The following PCDH7 variants were observed in gnomAD, a reference collection of about 807,000 sequenced individuals.
PCDH7 encodes protocadherin-7.
In PCDH7, 17 loss-of-function variants were observed where a neutral mutation model predicts 58.9. The ratio of observed to expected loss-of-function variants is 0.29; its 90% confidence interval spans 0.20 to 0.43. PCDH7 has a LOEUF of 0.43. Ranked by LOEUF, PCDH7 falls within the 20% of genes least tolerant of loss-of-function variation. The pLI is 1.00. For missense variants in PCDH7, 1,274 were observed against 1,441.0 expected (o/e 0.88, Z 1.88); for synonymous variants, 664 against 616.4 (o/e 1.08, Z -1.14).
At chr4:30,991,415 G>C (rs886414656) in intron 3 of PCDH7, among the ~76,000 whole-genome samples, 9 of 152,198 alleles carry the variant, frequency 5.9e-5, no homozygotes, top group African/African-American at 1.9e-4. Flanking sequence ...GGCTAGACAA[G>C]AAGAAAAGAG....
chr4:31,050,733 C>A (rs958567454), intron 3 of PCDH7, among the ~76,000 whole-genome samples: 1 of 152,168 alleles, frequency 6.6e-6, no homozygotes, highest in Non-Finnish European at 1.5e-5. Flanking sequence ...TCTACTTCTA[C>A]ACTCACTGGA....
At chr4:31,042,149 T>C (rs998089751) in intron 3 of PCDH7, among the ~76,000 whole-genome samples, 1 of 152,130 alleles carries the variant, frequency 6.6e-6, no homozygotes, top group Admixed American at 6.6e-5. Context: ...TTCATATCAT[T>C]TGAATGAGCA....
At position 31,064,117 on chromosome 4, in the gene PCDH7, G is replaced by A. The variant is rs181935675; in HGVS notation, c.*8-78356G>A. ...GAGCCACATAATAAGTATCAGCACT[G>A]TTTTCAAAACAGAAAGCTAGAATGC... On this transcript the variant is annotated intron_variant, in intron 3 of 3. Coordinates refer to the PCDH7 transcript ENST00000509759. 1.8e-3 allele frequency among the ~76,000 whole-genome samples: 268 copies of A among 152,040 alleles called. 1 individual carries two copies. The highest frequency in any genetic ancestry group is 6.8e-3 in the Middle Eastern group (2 of 294).
chr4:31,058,453 A>T lies in PCDH7; in HGVS notation c.*8-84020A>T, dbSNP rs115597777. On this transcript the variant is annotated intron_variant, in intron 3 of 3. Transcript: ENST00000509759. ...AGCAAAATTTACCCCAAAATTTATA[A>T]ATTTAACAGACAAAGAGTATGATCC... 4.8e-3 allele frequency among the ~76,000 whole-genome samples: 733 copies of T among 152,166 alleles called. 5 individuals carry two copies. The highest frequency in any genetic ancestry group is 0.015 in the African/African-American group (642 of 41,560).
At chr4:30,981,134 G>T (rs533685718) in intron 3 of PCDH7, among the ~76,000 whole-genome samples, 3 of 152,170 alleles carry the variant, frequency 2.0e-5, no homozygotes, top group African/African-American at 4.8e-5. Flanking sequence ...GAGGCACTGC[G>T]CCTGGCCTAT....
chr4:31,012,912 A>G (rs1173920226), intron 3 of PCDH7, among the ~76,000 whole-genome samples: 1 of 150,554 alleles, frequency 6.6e-6, no homozygotes, highest in Non-Finnish European at 1.5e-5. Context: ...CTAGAGACTG[A>G]GGCAGGAGAA....
At chr4:30,870,550 A>C (rs1735451321) in intron 1 of PCDH7, among the ~76,000 whole-genome samples, 1 of 152,184 alleles carries the variant, frequency 6.6e-6, no homozygotes, top group Non-Finnish European at 1.5e-5. Flanking sequence ...TATTCAAGAC[A>C]GGTAAATGTT....
intron 1 of PCDH7, among the ~76,000 whole-genome samples, chr4:30,763,296 C>A (rs963777997): frequency 5.3e-5 from 8 of 152,310 alleles, no homozygotes; most frequent in South Asian, 2.1e-4. Flanking sequence ...TTTTCTAATT[C>A]TGACTGTATA....
At chr4:31,119,153 A>G (rs1003947349) in intron 3 of PCDH7, among the ~76,000 whole-genome samples, 7 of 152,166 alleles carry the variant, frequency 4.6e-5, no homozygotes, top group African/African-American at 1.7e-4. Flanking sequence ...ATGATGGGAA[A>G]TGATTGATCA....
chr4:31,074,699 G>A (rs1578724416), intron 3 of PCDH7, among the ~76,000 whole-genome samples: 2 of 143,412 alleles, frequency 1.4e-5, no homozygotes, highest in South Asian at 4.4e-4. Context: ...CAGTAGAATT[G>A]CTTGAACCTG....
intron 1 of PCDH7, among the ~76,000 whole-genome samples, chr4:30,835,622 G>A (rs1353290725): frequency 1.3e-5 from 2 of 152,070 alleles, no homozygotes; most frequent in African/African-American, 2.4e-5. Flanking sequence ...GGAAGAGAGG[G>A]CATAGTAGGA....
intron 1 of PCDH7, among the ~76,000 whole-genome samples, chr4:30,770,542 C>T (rs1721267710): frequency 6.6e-6 from 1 of 152,140 alleles, no homozygotes; most frequent in Non-Finnish European, 1.5e-5. Flanking sequence ...ATAGCTTGTA[C>T]ATTTCTGCCT....
intron 3 of PCDH7, among the ~76,000 whole-genome samples, chr4:31,087,317 G>A (rs1712576782): frequency 1.3e-5 from 2 of 152,062 alleles, no homozygotes; most frequent in Non-Finnish European, 1.5e-5. Context: ...GTTTTATAAA[G>A]ATAATAGAAT....
chr4:31,084,045 A>G (rs1442247259), intron 3 of PCDH7, among the ~76,000 whole-genome samples: 1 of 152,202 alleles, frequency 6.6e-6, no homozygotes, highest in Non-Finnish European at 1.5e-5. Flanking sequence ...TGTTTATTAT[A>G]TTCAAAGAAT....
chr4:30,976,390 C>T (rs959068112), intron 3 of PCDH7, among the ~76,000 whole-genome samples: 1 of 142,016 alleles, frequency 7.0e-6, no homozygotes, highest in Non-Finnish European at 1.5e-5. Context: ...CACGCCGGGC[C>T]ATAAAATACT....
chr4:31,031,587 T>A (rs1754921094), intron 3 of PCDH7, among the ~76,000 whole-genome samples: 1 of 152,250 alleles, frequency 6.6e-6, no homozygotes, highest in Non-Finnish European at 1.5e-5. Context: ...TGTATTTTCT[T>A]ATTTGTTGGC....
intron 3 of PCDH7, among the ~76,000 whole-genome samples, chr4:31,052,768 T>C (rs995699536): frequency 6.6e-6 from 1 of 152,156 alleles, no homozygotes; most frequent in African/African-American, 2.4e-5. Flanking sequence ...GACTATTTGG[T>C]TTATCTGTTC....
At chr4:30,785,227 T>C (rs1723244315) in intron 1 of PCDH7, among the ~76,000 whole-genome samples, 1 of 152,052 alleles carries the variant, frequency 6.6e-6, no homozygotes, top group East Asian at 1.9e-4. Context: ...TATACATTAC[T>C]TTAAGGTAGT....
chr4:31,098,350 A>G (rs1020014360), intron 3 of PCDH7, among the ~76,000 whole-genome samples: 24 of 152,330 alleles, frequency 1.6e-4, no homozygotes, highest in African/African-American at 5.5e-4. Flanking sequence ...ATCACATATT[A>G]ATAAAAAGGA....
Sources: gnomAD v4.1 joint callset for allele counts (sites outside exome capture counted in the v4.1 genomes callset) on GRCh38, gnomAD v4.1.1 for gene constraint, MANE v1.5 for transcripts, NCBI Gene and HGNC (gene_info 2026-07-23, HGNC 2026-07-21) for gene names.